The following CRELD2 variants were observed in gnomAD, a reference collection of about 807,000 sequenced individuals.
CRELD2 encodes the protein CRELD disulfide isomerase 2.
In CRELD2, 33 loss-of-function variants were observed where a neutral mutation model predicts 48.1. The ratio of observed to expected loss-of-function variants is 0.69; its 90% CI spans 0.52 to 0.92. The LOEUF is 0.92. Among genes scored for constraint, CRELD2 ranks in the 40% least tolerant of loss-of-function variants. CRELD2 has a pLI of 0.00. For synonymous variants in CRELD2, 220 were observed against 203.9 expected, an observed-to-expected ratio of 1.08 and a Z score of -0.67; for missense variants, 477 against 482.4, an observed-to-expected ratio of 0.99 and a Z score of 0.10.
intron 4 of CRELD2, chr22:49,921,301 G>A: frequency 2.2e-6 from 1 of 445,436 alleles, no homozygotes; most frequent in Non-Finnish European, 4.0e-6. Context: ...TATCATCTTA[G>A]GGGACAGCTG....
chr22:49,927,203 C>T, intron 9 of CRELD2, 52 bp from the exon 10 acceptor site: 1 of 1,521,808 alleles, frequency 6.6e-7, no homozygotes, highest in South Asian at 1.1e-5. Flanking sequence ...AAGGCCTCAT[C>T]CCCAGGGCCC....
intron 6 of CRELD2, 86 bp from the exon 7 acceptor site, chr22:49,923,148 C>A (rs960266324): frequency 9.0e-7 from 1 of 1,111,392 alleles, no homozygotes; most frequent in East Asian, 2.5e-5. Context: ...GCCCTGGCCA[C>A]GGGCTGTGTC....
chr22:49,926,996 G>A (rs1022127782), intron 9 of CRELD2, among the ~76,000 whole-genome samples: 1 of 139,596 alleles, frequency 7.2e-6, no homozygotes, highest in African/African-American at 2.7e-5. Context: ...CTGCCAGGCC[G>A]CAAGGAACCC....
intron 7 of CRELD2, chr22:49,923,644 G>A (rs2060726677): frequency 4.2e-6 from 2 of 475,488 alleles, no homozygotes; most frequent in South Asian, 4.1e-5. Context: ...TCAGCAGCTT[G>A]TTGCGAACGT....
chr22:49,921,963 C>A, intron 5 of CRELD2: 3 of 619,528 alleles, frequency 4.8e-6, no homozygotes. Context: ...CCCGTAACAG[C>A]CCTCAGAAGG....
chr22:49,919,766 C>G lies in CRELD2; in HGVS notation c.249C>G (p.Cys83Trp), dbSNP rs746989379. ...IRLLEILEGL[C>W]ESSDFECNQM... ...TGCTGGAGATCCTGGAGGGGCTGTGCGAGAGCAGCGACTTCGAATGCAATC... is the reference window on the plus strand; with the variant it reads ...TGCTGGAGATCCTGGAGGGGCTGTGGGAGAGCAGCGACTTCGAATGCAATC... The change falls in exon 3 of 10, where the codon TGC (cysteine) becomes TGG (tryptophan). Residue 83 changes from cysteine to tryptophan, a missense_variant. Coordinates refer to ENST00000328268, the MANE Select transcript of CRELD2 (RefSeq NM_024324.5). 3.7e-6 allele frequency: 6 copies of G among 1,612,084 alleles called. No homozygotes were observed. The highest frequency in any genetic ancestry group is 5.1e-6 in the Non-Finnish European group (6 of 1,179,254).
chr22:49,924,072 A>C, intron 7 of CRELD2: 1 of 287,764 alleles, frequency 3.5e-6, no homozygotes, highest in Non-Finnish European at 6.7e-6. Flanking sequence ...ACCAATGGTC[A>C]CCGAGCTGGA....
intron 8 of CRELD2, 116 bp downstream of exon 8, chr22:49,924,571 G>T: frequency 1.4e-6 from 1 of 699,336 alleles, no homozygotes; most frequent in Non-Finnish European, 2.4e-6. Context: ...TCCTGCAGAC[G>T]TGGCTCCCCC....
In CRELD2 at chr22:49,919,216, C is replaced by T. The variant is rs762864886; in HGVS notation, c.130-14C>T. On this transcript the variant is annotated splice_polypyrimidine_tract_variant and intron_variant, in intron 1 of 9. Transcript: ENST00000328268. ...CAGGTGGTACCAAGCACTATGGGCA[C>T]TGTCTCCTCGCAGGGGATGGTGGAC... The T allele has an allele frequency of 1.2e-6, 2 of 1,613,340 alleles. No homozygotes were observed. The highest frequency in any genetic ancestry group is 8.5e-7 in the Non-Finnish European group (1 of 1,179,750).
chr22:49,924,343 C>A lies in CRELD2; in HGVS notation c.773-17C>A. Reference sequence around the variant, plus strand: ...GCCTTGTGCATGTCGGGGTCTGACGCTGGCTCCCTGTTGCAGAGTGTGACT... The same window carrying A: ...GCCTTGTGCATGTCGGGGTCTGACGATGGCTCCCTGTTGCAGAGTGTGACT... On this transcript the variant is annotated splice_polypyrimidine_tract_variant and intron_variant, in intron 7 of 9. Transcript: ENST00000328268. 1 of 1,597,000 alleles carries A rather than the reference C, an allele frequency of 6.3e-7. No individual in the cohort carries two copies. Among genetic ancestry groups the A allele is most frequent in the Non-Finnish European group, 8.6e-7 (1 of 1,168,354 alleles).
intron 5 of CRELD2, chr22:49,922,285 G>A (rs12163497): frequency 1.3e-5 from 17 of 1,261,794 alleles, no homozygotes; most frequent in Admixed American, 4.0e-5. Flanking sequence ...CGATTCTTAC[G>A]CCCCTCAGCA....
chr22:49,920,018 G>T (rs1809946433), intron 3 of CRELD2, 138 bp from the exon 4 acceptor site: 1 of 774,214 alleles, frequency 1.3e-6, no homozygotes, highest in Non-Finnish European at 2.1e-6. Context: ...AGGAAATTAA[G>T]GAGAAGATTC....
chr22:49,923,333 G>A lies in CRELD2; in HGVS notation c.772+16G>A, dbSNP rs756246028. On this transcript the variant is annotated intron_variant, in intron 7 of 9. Transcript: ENST00000328268. Reference sequence around the variant, plus strand: ...ACGTGCGAAGGTGGGCCAGGCGGGCGGGTCTGCACTCCGGGGCCTGCCGGG... The same window carrying A: ...ACGTGCGAAGGTGGGCCAGGCGGGCAGGTCTGCACTCCGGGGCCTGCCGGG... The A allele has an allele frequency of 2.6e-5, 42 of 1,608,454 alleles. No individual in the cohort carries two copies. Among genetic ancestry groups the A allele is most frequent in the East Asian group, 4.5e-5 (2 of 44,856 alleles).
At chr22:49,920,112 A>G (rs1201841790) in intron 3 of CRELD2, 44 bp from the exon 4 acceptor site, 1 of 1,308,498 alleles carries the variant, frequency 7.6e-7, no homozygotes, top group African/African-American at 1.5e-5. Flanking sequence ...GTTTTAAAGA[A>G]CCGTGTCTGC....
intron 1 of CRELD2, 105 bp downstream of exon 1, chr22:49,919,003 C>T (rs60284719): frequency 0.096 from 97,104 of 1,011,710 alleles, 5,670 homozygotes; most frequent in South Asian, 0.2. Flanking sequence ...CACCCTGGAT[C>T]CGGGGTCCCC....
At chr22:49,926,166 C>G (rs1601851269) in intron 9 of CRELD2, 1 of 153,284 alleles carries the variant, frequency 6.5e-6, no homozygotes, top group Non-Finnish European at 1.5e-5. Context: ...ATGCGGGTGT[C>G]TGTCTCTGTC....
intron 5 of CRELD2, chr22:49,922,326 C>A (rs1465788806): frequency 1.9e-6 from 3 of 1,586,836 alleles, no homozygotes; most frequent in African/African-American, 3.6e-5. Flanking sequence ...TTCTTACCCG[C>A]CTTGCTGTCT....
intron 9 of CRELD2, 71 bp from the exon 10 acceptor site, chr22:49,927,184 G>C: frequency 7.3e-7 from 1 of 1,379,116 alleles, no homozygotes; most frequent in Non-Finnish European, 1.0e-6. Context: ...ATGCGCTGCT[G>C]TCCTGGGAAA....
chr22:49,925,817 C>T, intron 9 of CRELD2: 2 of 1,211,088 alleles, frequency 1.7e-6, no homozygotes, highest in Non-Finnish European at 2.2e-6. Flanking sequence ...AAGCTCAGAC[C>T]TCAGCGGGCG....
Sources: gnomAD v4.1 joint callset for allele counts (sites outside exome capture counted in the v4.1 genomes callset) on GRCh38, gnomAD v4.1.1 for gene constraint, MANE v1.5 for transcripts, NCBI Gene and HGNC (gene_info 2026-07-23, HGNC 2026-07-21) for gene names.